The following TBC1D19 variants were observed in gnomAD, a reference collection of about 807,000 sequenced individuals.
TBC1D19 encodes TBC1 domain family member 19, also known as TBC1 domain family, member 19.
A neutral mutation model predicts 89.0 loss-of-function variants in TBC1D19; 60 were observed. The observed-to-expected ratio is 0.67, with a 90% CI of 0.55 to 0.84. The LOEUF (loss-of-function observed/expected upper bound fraction) is 0.84, where lower values mean the gene tolerates loss of function less well. Ranked by LOEUF, TBC1D19 falls within the 40% of genes least tolerant of loss-of-function variation. The probability of loss-of-function intolerance (pLI) is 0.00; values close to 1 mark genes in which losing one functional copy is unlikely to be tolerated. For synonymous variants in TBC1D19, 189 were observed against 199.7 expected, an observed-to-expected ratio of 0.95 and a Z score of 0.45; for missense variants, 500 against 610.8, an observed-to-expected ratio of 0.82 and a Z score of 1.91.
At chr4:26,691,429 A>G (rs370956123) in intron 13 of TBC1D19, among the ~76,000 whole-genome samples, 48 of 152,296 alleles carry the variant, frequency 3.2e-4, no homozygotes, top group Middle Eastern at 3.4e-3. Context: ...GAGTCTATCA[A>G]TGCAGCAAAT....
the TBC1D19 span, among the ~76,000 whole-genome samples, chr4:26,774,464 C>T: frequency 6.6e-6 from 1 of 152,200 alleles, no homozygotes; most frequent in African/African-American, 2.4e-5. Flanking sequence ...TTCCATTTCA[C>T]TTAGCAATGT....
upstream of TBC1D19, among the ~76,000 whole-genome samples, chr4:26,580,068 C>T (rs918721816): frequency 6.6e-6 from 1 of 152,144 alleles, no homozygotes; most frequent in Non-Finnish European, 1.5e-5. Context: ...TAAGTTTTCC[C>T]TTTTGCATAG....
chr4:26,580,556 G>T (rs1427528206), upstream of TBC1D19, among the ~76,000 whole-genome samples: 2 of 152,256 alleles, frequency 1.3e-5, no homozygotes, highest in African/African-American at 4.8e-5. Flanking sequence ...GACCTCGTTT[G>T]TTCCCAAAGA....
the TBC1D19 span, among the ~76,000 whole-genome samples, chr4:26,763,364 T>C: frequency 6.6e-6 from 1 of 152,218 alleles, no homozygotes; most frequent in Non-Finnish European, 1.5e-5. Context: ...TTTTACAGCC[T>C]GTTCTCCCTG....
chr4:26,831,705 C>G, the TBC1D19 span, among the ~76,000 whole-genome samples: 2 of 151,534 alleles, frequency 1.3e-5, no homozygotes, highest in Non-Finnish European at 2.9e-5. Flanking sequence ...GCCTCAGCCT[C>G]TCAAGTAGCT....
chr4:26,583,643 C>T (rs1739213683), upstream of TBC1D19, among the ~76,000 whole-genome samples: 1 of 152,136 alleles, frequency 6.6e-6, no homozygotes, highest in Admixed American at 6.5e-5. Flanking sequence ...GTGCTAGGCA[C>T]CTTCACGATT....
At chr4:26,776,880 T>C in the TBC1D19 span, among the ~76,000 whole-genome samples, 1 of 152,198 alleles carries the variant, frequency 6.6e-6, no homozygotes, top group South Asian at 2.1e-4. Flanking sequence ...TTTTTTCCTT[T>C]TCATTAAGCC....
At chr4:26,701,233 A>C (rs1715305034) in intron 13 of TBC1D19, among the ~76,000 whole-genome samples, 1 of 152,186 alleles carries the variant, frequency 6.6e-6, no homozygotes, top group African/African-American at 2.4e-5. Context: ...TTATAAATAT[A>C]TTCAGAGAGC....
intron 4 of TBC1D19, among the ~76,000 whole-genome samples, chr4:26,627,180 A>G (rs1378578598): frequency 1.3e-5 from 2 of 151,468 alleles, no homozygotes; most frequent in Non-Finnish European, 3.0e-5. Context: ...GAGAATGATG[A>G]TTTCCAATTT....
chr4:26,781,730 A>G, the TBC1D19 span, among the ~76,000 whole-genome samples: 2 of 152,296 alleles, frequency 1.3e-5, no homozygotes, highest in Admixed American at 6.5e-5. Flanking sequence ...AAAAAGTGAA[A>G]CTTAACTTCT....
At chr4:26,684,137 T>G (rs1229257257) in intron 12 of TBC1D19, among the ~76,000 whole-genome samples, 2 of 152,216 alleles carry the variant, frequency 1.3e-5, no homozygotes, top group Non-Finnish European at 2.9e-5. Context: ...TTGAAGTCAT[T>G]TTTAATTTTT....
At chr4:26,800,480 C>T in the TBC1D19 span, among the ~76,000 whole-genome samples, 1 of 152,252 alleles carries the variant, frequency 6.6e-6, no homozygotes, top group Non-Finnish European at 1.5e-5. Flanking sequence ...GTGCATGTGT[C>T]TTTATAGCAG....
chr4:26,696,399 G>A (rs1012300685), intron 13 of TBC1D19, among the ~76,000 whole-genome samples: 15 of 152,012 alleles, frequency 9.9e-5, no homozygotes, highest in Admixed American at 3.9e-4. Context: ...ACTCCCTCAC[G>A]ATAATAATGG....
At chr4:26,832,591 C>T in the TBC1D19 span, among the ~76,000 whole-genome samples, 1 of 152,002 alleles carries the variant, frequency 6.6e-6, no homozygotes, top group Non-Finnish European at 1.5e-5. Flanking sequence ...CATATGTGTA[C>T]AATAACATCT....
intron 1 of TBC1D19, among the ~76,000 whole-genome samples, chr4:26,610,790 A>G (rs1741331511): frequency 6.6e-6 from 1 of 151,682 alleles, no homozygotes; most frequent in South Asian, 2.1e-4. Context: ...GTTGTTTTTT[A>G]TGGCTGTGTA....
intron 13 of TBC1D19, among the ~76,000 whole-genome samples, chr4:26,702,051 G>A (rs1404591782): frequency 6.6e-6 from 1 of 152,112 alleles, no homozygotes; most frequent in African/African-American, 2.4e-5. Context: ...CTTTGGTGGT[G>A]GTAAAAAGGG....
At chr4:26,646,499 AG>A in intron 7 of TBC1D19, among the ~76,000 whole-genome samples, 1 of 152,368 alleles carries the variant, frequency 6.6e-6, no homozygotes, top group East Asian at 1.9e-4. Flanking sequence ...GCCACTATAA[AG>A]ATACATGCAC....
chr4:26,696,841 T>G (rs1714832998), intron 13 of TBC1D19, among the ~76,000 whole-genome samples: 1 of 152,186 alleles, frequency 6.6e-6, no homozygotes, highest in South Asian at 2.1e-4. Context: ...CCAGAATCTC[T>G]GGGACACATT....
chr4:26,807,731 C>G, the TBC1D19 span, among the ~76,000 whole-genome samples: 1 of 152,284 alleles, frequency 6.6e-6, no homozygotes, highest in South Asian at 2.1e-4. Context: ...TTAAGGTCAC[C>G]CCCTACATTC....
Sources: gnomAD v4.1 joint callset for allele counts (sites outside exome capture counted in the v4.1 genomes callset) on GRCh38, gnomAD v4.1.1 for gene constraint, MANE v1.5 for transcripts, NCBI Gene and HGNC (gene_info 2026-07-23, HGNC 2026-07-21) for gene names.